Variants in IQGAP3 observed in about 807,000 individuals in gnomAD.
IQGAP3 encodes IQ motif containing GTPase activating protein 3.
IQGAP3 carries 165 observed loss-of-function variants against 208.2 expected under a neutral mutation model. The ratio of observed to expected loss-of-function variants is 0.79; its 90% CI spans 0.70 to 0.90. The LOEUF is 0.90. Ranked by LOEUF, IQGAP3 falls within the 40% of genes least tolerant of loss-of-function variation. The probability of loss-of-function intolerance (pLI) is 0.00; values close to 1 mark genes in which losing one functional copy is unlikely to be tolerated. For synonymous variants in IQGAP3, 703 were observed against 803.6 expected (o/e 0.87, Z 2.12); for missense variants, 1,811 against 2,043.1 (o/e 0.89, Z 2.19).
At chr1:156,532,231 A>G (rs551225618) in intron 32 of IQGAP3, among the ~76,000 whole-genome samples, 1 of 152,038 alleles carries the variant, frequency 6.6e-6, no homozygotes, top group Non-Finnish European at 1.5e-5. Context: ...TACTAAAAAT[A>G]CAAAAATTGG....
At chr1:156,553,117 C>T (rs1467160472) in intron 13 of IQGAP3, among the ~76,000 whole-genome samples, 1 of 151,526 alleles carries the variant, frequency 6.6e-6, no homozygotes, top group East Asian at 1.9e-4. Context: ...AGAACCAGAC[C>T]CTGAGCTGTG....
intron 11 of IQGAP3, among the ~76,000 whole-genome samples, chr1:156,557,344 G>GA (rs1414247648): frequency 8.2e-5 from 1 of 12,176 alleles, no homozygotes; most frequent in Admixed American, 1.4e-3. Context: ...GAGGTGGGGG[G>GA]TCAGCCCCCC....
chr1:156,534,206 A>G (rs762203043), intron 29 of IQGAP3, 65 bp from the exon 30 acceptor site: 28 of 1,602,410 alleles, frequency 1.7e-5, no homozygotes, highest in Non-Finnish European at 2.3e-5. Flanking sequence ...TTCTGTCCCC[A>G]TCATTTCCCC....
intron 31 of IQGAP3, among the ~76,000 whole-genome samples, 196 bp from the exon 32 acceptor site, chr1:156,533,302 T>A (rs1674513255): frequency 6.6e-6 from 1 of 152,138 alleles, no homozygotes; most frequent in Non-Finnish European, 1.5e-5. Context: ...GAAGGGCTGT[T>A]ACCCACAGAG....
Position 156,548,500 on chromosome 1 carries a change from CA to C in IQGAP3, c.1994-14del, listed in dbSNP as rs770990162. On this transcript the variant is annotated splice_polypyrimidine_tract_variant and intron_variant, in intron 17 of 37. Coordinates refer to ENST00000361170, the MANE Select transcript of IQGAP3 (RefSeq NM_178229.5). The stretch of plus-strand genomic sequence containing the variant: ...AAAGCTGTGTCTGCTAAGCAGAAAC[CA>C]AGCAAGCAGAAAAGGTTCAGAGCAG... The C allele has an allele frequency of 4.3e-6, 7 of 1,612,006 alleles. No homozygotes were observed. In the Admixed American group the frequency reaches 1.2e-4, roughly 27 times the overall value.
chr1:156,525,509 C>T lies in IQGAP3; in HGVS notation c.*977G>A, dbSNP rs891370038. 6.6e-6 allele frequency: 1 copy of T among 152,438 alleles called. No individual in the cohort carries two copies. Among genetic ancestry groups the T allele is most frequent in the Admixed American group, 6.6e-5 (1 of 15,252 alleles). 9.4% of individuals were successfully genotyped at this position (152,438 alleles called of 1,614,324 possible). On this transcript the variant is annotated 3_prime_UTR_variant, in exon 38 of 38. Coordinates refer to ENST00000361170, the MANE Select transcript of IQGAP3 (RefSeq NM_178229.5). ...CTGTGGCAGAGGCAGGACTGCAGAT[C>T]TATGGAAATTGCCTGGAAGAGTCAG...
intron 25 of IQGAP3, 126 bp downstream of exon 25, chr1:156,539,248 G>T: frequency 1.0e-6 from 1 of 969,670 alleles, no homozygotes; most frequent in Non-Finnish European, 1.5e-6. Context: ...ACAGGAGGTA[G>T]AGAAAAGAGG....
At chr1:156,545,582 G>A (rs151100461) in intron 19 of IQGAP3, among the ~76,000 whole-genome samples, 3,160 of 151,056 alleles carry the variant, frequency 0.021, 93 homozygotes, top group African/African-American at 0.074. Context: ...TCACTGCAGC[G>A]TCAACCTCCT....
At chr1:156,530,890 A>C (rs746506) in intron 33 of IQGAP3, among the ~76,000 whole-genome samples, 4,293 of 152,170 alleles carry the variant, frequency 0.028, 204 homozygotes, top group African/African-American at 0.099. Context: ...ACGGTCTCTC[A>C]GTGCCCCCCA....
In IQGAP3 at chr1:156,525,729, C is replaced by CAAAAAAAAAAAAAAAAAAAAAAAA. The variant is rs10611202; in HGVS notation, c.*733_*756dup. On this transcript the variant is annotated 3_prime_UTR_variant, in exon 38 of 38. Coordinates refer to ENST00000361170, the MANE Select transcript of IQGAP3 (RefSeq NM_178229.5). The stretch of plus-strand genomic sequence containing the variant: ...GGAAAATGAGAACTCTCTTTGAGCT[C>CAAAAAAAAAAAAAAAAAAAAAAAA]AAAAAAAAAAAAAAAAAAAAAAAAA... 1 of 80,412 alleles carries CAAAAAAAAAAAAAAAAAAAAAAAA rather than the reference C, an allele frequency of 1.2e-5. No individual in the cohort carries two copies. The highest frequency in any genetic ancestry group is 2.2e-5 in the Non-Finnish European group (1 of 45,226). The allele number at this position is 80,412 out of a possible 1,614,324, so 5.0% of individuals were successfully genotyped here. A position where few individuals can be genotyped will look rare whatever the true frequency, so the allele number is the denominator to read the frequency against.
chr1:156,544,141 G>C lies in IQGAP3; in HGVS notation c.2460+11C>G. 6.2e-7 allele frequency: 1 copy of C among 1,614,038 alleles called. No homozygotes were observed. Among genetic ancestry groups the C allele is most frequent in the Non-Finnish European group, 8.5e-7 (1 of 1,179,882 alleles). ...TGGGTATGTGGGCAGGGGGAACAAG[G>C]TGACACTCACATTCTTCTGGAAGTA... On this transcript the variant is annotated intron_variant, in intron 21 of 37. Coordinates refer to ENST00000361170, the MANE Select transcript of IQGAP3 (RefSeq NM_178229.5).
chr1:156,534,463 A>C (rs753351227), intron 29 of IQGAP3, 38 bp downstream of exon 29: 3 of 1,424,836 alleles, frequency 2.1e-6, no homozygotes, highest in Non-Finnish European at 2.9e-6. Flanking sequence ...AGGTGAGAAG[A>C]GGGAAGAAAG....
Position 156,527,981 on chromosome 1 carries a change from C to G in IQGAP3, c.4753G>C (p.Asp1585His), listed in dbSNP as rs1351418501. Reference protein sequence around the residue: ...FEVNAKFLGVDMERFQLHYQD... With the variant: ...FEVNAKFLGVHMERFQLHYQD... ...TAGTGAAGCTGAAATCGCTCCATGT[C>G]CACACCCAGGAACTTGGCATTTACT... Residue 1585 changes from aspartate (D) to histidine (H), a missense_variant, in exon 37 of 38, where the codon GAC becomes CAC. Transcript: ENST00000361170. 6.2e-7 allele frequency: 1 copy of G among 1,613,878 alleles called. No homozygotes were observed. Among genetic ancestry groups the G allele is most frequent in the East Asian group, 2.2e-5 (1 of 44,890 alleles).
chr1:156,553,337 C>T (rs1571344698), intron 13 of IQGAP3, among the ~76,000 whole-genome samples: 1 of 152,312 alleles, frequency 6.6e-6, no homozygotes, highest in Non-Finnish European at 1.5e-5. Context: ...TACTTCACTC[C>T]ACCACACTGG....
At position 156,534,150 on chromosome 1, in the gene IQGAP3, A is replaced by G. The variant is rs371523429; in HGVS notation, c.3741-9T>C. On this transcript the variant is annotated splice_polypyrimidine_tract_variant and intron_variant, in intron 29 of 37. Transcript: ENST00000361170. ...CTCTATGGATGAACTTCCTGTCCAGAGGGCGGGCATGTGAGAGAGCGGGGA... is the reference window on the plus strand; with the variant it reads ...CTCTATGGATGAACTTCCTGTCCAGGGGGCGGGCATGTGAGAGAGCGGGGA... 2 of 1,612,990 alleles carry G rather than the reference A, an allele frequency of 1.2e-6. No individual in the cohort carries two copies. Among genetic ancestry groups the G allele is most frequent in the African/African-American group, 2.7e-5 (2 of 74,890 alleles).
chr1:156,565,915 T>C, intron 4 of IQGAP3, 112 bp downstream of exon 4: 1 of 815,864 alleles, frequency 1.2e-6, no homozygotes, highest in Non-Finnish European at 2.1e-6. Flanking sequence ...TTAAGTTAGT[T>C]TAGAAGACAC....
rs6427315 is a variant in IQGAP3 at position 156,526,396 on chromosome 1, A to G, written c.*90T>C. The G allele has an allele frequency of 0.98, 853,632 of 866,834 alleles. 421,402 individuals carry two copies. The highest frequency in any genetic ancestry group is 1 in the East Asian group (40,212 of 40,212). The allele number at this position is 866,834 out of a possible 1,614,324, so 53.7% of individuals were successfully genotyped here. The stretch of plus-strand genomic sequence containing the variant: ...TGGGCCTTGCCCAGTCCTGAGCTCT[A>G]GGTGTCTGCAGGGAAGCACAGTGGT... On this transcript the variant is annotated 3_prime_UTR_variant, in exon 38 of 38. Coordinates refer to ENST00000361170, the MANE Select transcript of IQGAP3 (RefSeq NM_178229.5).
intron 16 of IQGAP3, among the ~76,000 whole-genome samples, chr1:156,549,247 G>T (rs1178473438): frequency 6.6e-6 from 1 of 152,184 alleles, no homozygotes; most frequent in Admixed American, 6.5e-5. Context: ...GATCACCTGA[G>T]GTCAGGAGTT....
rs777916363 is a variant in IQGAP3 at position 156,528,598 on chromosome 1, C to T, written c.4584G>A (p.Lys1528=). ...HLAPDSKSSG[K]GKKQPSLHYT... is the part of the protein sequence containing the mutation. ...AATGAAGAGAAGGCTGCTTCTTCCC[C>T]TTCCCAGAACTCCTGATTAAAAGAA... Residue 1528 remains lysine, a synonymous_variant, in exon 36 of 38, where the codon AAG becomes AAA. Transcript: ENST00000361170. 3.1e-6 allele frequency: 5 copies of T among 1,612,570 alleles called. No homozygotes were observed. The highest frequency in any genetic ancestry group is 2.7e-5 in the African/African-American group (2 of 74,838).
Sources: gnomAD v4.1 joint callset for allele counts (sites outside exome capture counted in the v4.1 genomes callset) on GRCh38, gnomAD v4.1.1 for gene constraint, MANE v1.5 for transcripts, NCBI Gene and HGNC (gene_info 2026-07-23, HGNC 2026-07-21) for gene names.